Variants in CTDP1 observed in about 807,000 individuals in gnomAD.
CTDP1 encodes the protein CTD phosphatase 1.
A neutral mutation model predicts 91.8 loss-of-function variants in CTDP1; 47 were observed. The ratio of observed to expected loss-of-function variants is 0.51; its 90% CI spans 0.41 to 0.65. The LOEUF is 0.65. Ranked by LOEUF, CTDP1 falls within the 30% of genes least tolerant of loss-of-function variation. The probability of loss-of-function intolerance (pLI) is 0.00; values close to 1 mark genes in which losing one functional copy is unlikely to be tolerated. For synonymous variants in CTDP1, 656 were observed against 598.5 expected, an observed-to-expected ratio of 1.10 and a Z score of -1.40; for missense variants, 1,272 against 1,373.7, an observed-to-expected ratio of 0.93 and a Z score of 1.17.
At chr18:79,693,380 G>C (rs952502870) in intron 1 of CTDP1, among the ~76,000 whole-genome samples, 1 of 151,998 alleles carries the variant, frequency 6.6e-6, no homozygotes, top group Admixed American at 6.6e-5. Flanking sequence ...AATCATACTT[G>C]TCACCTTAGA....
chr18:79,750,604 G>A (rs910101710), intron 12 of CTDP1, among the ~76,000 whole-genome samples: 21 of 148,408 alleles, frequency 1.4e-4, no homozygotes, highest in African/African-American at 5.3e-4. Flanking sequence ...AACAATTCTC[G>A]TGCCCCGGCT....
intron 1 of CTDP1, among the ~76,000 whole-genome samples, chr18:79,694,706 C>A (rs77222015): frequency 0.036 from 5,555 of 152,286 alleles, 186 homozygotes; most frequent in South Asian, 0.16. Flanking sequence ...CAGATTTCAG[C>A]ACTTCTTCCA....
chr18:79,682,254 C>T (rs1239235147), intron 1 of CTDP1, among the ~76,000 whole-genome samples: 6 of 152,202 alleles, frequency 3.9e-5, no homozygotes, highest in Admixed American at 3.9e-4. Context: ...CCCCAAAATG[C>T]CTGCTGCACC....
chr18:79,747,135 A>T, intron 12 of CTDP1, among the ~76,000 whole-genome samples: 1 of 152,166 alleles, frequency 6.6e-6, no homozygotes, highest in East Asian at 1.9e-4. Flanking sequence ...TTTCATACCA[A>T]TACACGAAGC....
intron 1 of CTDP1, chr18:79,683,088 G>A (rs1286964465): frequency 6.6e-6 from 1 of 152,234 alleles, no homozygotes; most frequent in East Asian, 1.9e-4. Flanking sequence ...GAGGCTGGAA[G>A]GTGAAGACAT....
intron 12 of CTDP1, among the ~76,000 whole-genome samples, chr18:79,747,589 G>C (rs774494161): frequency 6.6e-6 from 1 of 152,210 alleles, no homozygotes; most frequent in Non-Finnish European, 1.5e-5. Flanking sequence ...AGCCCCCCAC[G>C]CTTGTGTGAG....
chr18:79,725,297 C>A (rs146952868), intron 10 of CTDP1, among the ~76,000 whole-genome samples: 2 of 152,194 alleles, frequency 1.3e-5, no homozygotes, highest in African/African-American at 4.8e-5. Context: ...AGGTGGGAAG[C>A]GCCCCACCCT....
At chr18:79,747,235 T>G (rs1345301551) in intron 12 of CTDP1, among the ~76,000 whole-genome samples, 3 of 152,176 alleles carry the variant, frequency 2.0e-5, no homozygotes, top group South Asian at 4.1e-4. Context: ...GGGTCAGGTG[T>G]GGTGAGCGCC....
At chr18:79,756,190 A>AGGGGCAC, downstream of CTDP1, 1 of 152,554 alleles carries the variant, frequency 6.6e-6, no homozygotes. Context: ...TTGATAGCTT[A>AGGGGCAC]AAATGGGACT....
Position 79,717,589 on chromosome 18 carries a change from C to G in CTDP1, c.2123C>G (p.Pro708Arg), listed in dbSNP as rs765980738. The G allele has an allele frequency of 1.2e-6, 2 of 1,613,944 alleles. No individual in the cohort carries two copies. Among genetic ancestry groups the G allele is most frequent in the South Asian group, 1.1e-5 (1 of 91,088 alleles). ...TGCGGACACCTGCACGTGGTCAACC[C>G]TGACTGGCTGTGGAGCTGCCTGGAG... ...QECGHLHVVN[P>R]DWLWSCLERW... The change falls in exon 9 of 13, where the codon CCT becomes CGT. Residue 708 changes from proline to arginine, a missense_variant. Pro to Arg is a moderately radical substitution (Grantham distance 103). This residue lies in a region of CTDP1 where 881 missense variants were observed against 911.6 expected (regional missense o/e 0.97). Transcript: ENST00000613122.
In CTDP1 at chr18:79,736,504, AG is replaced by A. The variant is rs2086670366; in HGVS notation, c.2735del (p.Gly912AlafsTer11). On this transcript the variant is annotated frameshift_variant, in exon 12 of 13. Coordinates refer to ENST00000613122, the MANE Select transcript of CTDP1 (RefSeq NM_004715.5). LOFTEE classifies it high-confidence loss of function. The part of the protein sequence containing the change: ...APASSERSAA[G>X]GRGPRGHKRK... Reference sequence around the variant, plus strand: ...CTGCGTCCAGCGAGAGGAGCGCGGCAGGGGGCCGGGGGCCCAGGTGAGTGCG... The same window carrying A: ...CTGCGTCCAGCGAGAGGAGCGCGGCAGGGGCCGGGGGCCCAGGTGAGTGCG... 1.9e-6 allele frequency: 3 copies of A among 1,545,370 alleles called. No individual in the cohort carries two copies. Among genetic ancestry groups the A allele is most frequent in the Non-Finnish European group, 1.7e-6 (2 of 1,144,736 alleles).
chr18:79,707,042 G>C (rs74520874), intron 5 of CTDP1, among the ~76,000 whole-genome samples: 1 of 152,356 alleles, frequency 6.6e-6, no homozygotes, highest in East Asian at 1.9e-4. Flanking sequence ...TGTTTCACAC[G>C]TCTTGCTTAT....
At chr18:79,678,257 T>C (rs2085278947), upstream of CTDP1, 1 of 152,244 alleles carries the variant, frequency 6.6e-6, no homozygotes, top group Admixed American at 6.5e-5. Context: ...CTACTACCCC[T>C]TGACCTGTGT....
rs376943068 is a variant in CTDP1 at position 79,743,324 on chromosome 18, G to A, written c.2747+6803G>A. 2.0e-3 allele frequency among the ~76,000 whole-genome samples: 310 copies of A among 152,058 alleles called. 2 individuals carry two copies. Among genetic ancestry groups the A allele is most frequent in the Middle Eastern group, 6.8e-3 (2 of 294 alleles). On this transcript the variant is annotated intron_variant, in intron 12 of 12. Coordinates refer to ENST00000613122, the MANE Select transcript of CTDP1 (RefSeq NM_004715.5). Reference sequence around the variant, plus strand: ...GCGGATTGCCTGAGTTCAGGAGTTCGAGAACAGCCTGGGCAACATGGTGAA... The same window carrying A: ...GCGGATTGCCTGAGTTCAGGAGTTCAAGAACAGCCTGGGCAACATGGTGAA...
intron 1 of CTDP1, among the ~76,000 whole-genome samples, chr18:79,689,740 C>T (rs1038035484): frequency 4.6e-5 from 7 of 152,188 alleles, no homozygotes; most frequent in African/African-American, 7.2e-5. Flanking sequence ...AAGATCACAC[C>T]ACTGCACTGC....
At chr18:79,733,014 T>G (rs1369579490) in intron 11 of CTDP1, among the ~76,000 whole-genome samples, 1 of 152,246 alleles carries the variant, frequency 6.6e-6, no homozygotes, top group Non-Finnish European at 1.5e-5. Context: ...CTCTAAAGCA[T>G]GCACCCCCAC....
chr18:79,691,295 C>T (rs2085615859), intron 1 of CTDP1, among the ~76,000 whole-genome samples: 1 of 152,222 alleles, frequency 6.6e-6, no homozygotes, highest in Non-Finnish European at 1.5e-5. Flanking sequence ...CCAAGGGAGG[C>T]TGTTTGTGGG....
intron 12 of CTDP1, among the ~76,000 whole-genome samples, chr18:79,743,831 C>G (rs2086829332): frequency 6.6e-6 from 1 of 152,194 alleles, no homozygotes; most frequent in Non-Finnish European, 1.5e-5. Context: ...ACAGATCATA[C>G]AAGTGTGAAA....
At chr18:79,736,666 C>G (rs2086674156) in intron 12 of CTDP1, 145 bp downstream of exon 12, 1 of 824,692 alleles carries the variant, frequency 1.2e-6, no homozygotes, top group Non-Finnish European at 1.8e-6. Context: ...CTCAGCAGCC[C>G]CTGGTGATGG....
Sources: gnomAD v4.1 joint callset for allele counts (sites outside exome capture counted in the v4.1 genomes callset) on GRCh38, gnomAD v4.1.1 for gene constraint, gnomAD v4.1.1 regional missense constraint, MANE v1.5 for transcripts, NCBI Gene and HGNC (gene_info 2026-07-23, HGNC 2026-07-21) for gene names.